CFAP77: variants seen among roughly 807,000 people sequenced by gnomAD.
CFAP77 encodes the protein cilia and flagella associated protein 77.
A neutral mutation model predicts 31.1 loss-of-function variants in CFAP77; 25 were observed. The observed-to-expected ratio is 0.80, with a 90% CI of 0.59 to 1.12. The LOEUF is 1.12. Among genes scored for constraint, CFAP77 ranks in the 50% most tolerant of loss-of-function variants. CFAP77 has a pLI of 0.00. For synonymous variants in CFAP77, 151 were observed against 159.9 expected, an observed-to-expected ratio of 0.94 and a Z score of 0.42; for missense variants, 377 against 397.3, an observed-to-expected ratio of 0.95 and a Z score of 0.44.
intron 3 of CFAP77, among the ~76,000 whole-genome samples, chr9:132,535,342 C>T (rs59197219): frequency 0.032 from 4,901 of 152,250 alleles, 261 homozygotes; most frequent in African/African-American, 0.11. Flanking sequence ...AACAAGGACA[C>T]AGCTTCAGAT....
At chr9:132,468,810 C>T (rs1003211737) in intron 1 of CFAP77, among the ~76,000 whole-genome samples, 7 of 131,238 alleles carry the variant, frequency 5.3e-5, no homozygotes, top group Admixed American at 7.5e-5. Context: ...CACACACACA[C>T]GCACGCACAC....
intron 1 of CFAP77, among the ~76,000 whole-genome samples, chr9:132,467,721 A>G (rs1373529935): frequency 6.6e-6 from 1 of 152,132 alleles, no homozygotes; most frequent in Non-Finnish European, 1.5e-5. Flanking sequence ...CAAAAGTGGA[A>G]TGGTAGAATC....
intron 1 of CFAP77, among the ~76,000 whole-genome samples, chr9:132,477,520 G>A (rs1172735588): frequency 6.6e-6 from 1 of 152,234 alleles, no homozygotes; most frequent in African/African-American, 2.4e-5. Flanking sequence ...TTCCCAGTGG[G>A]AGGTCGGGTC....
chr9:132,494,780 C>T lies in CFAP77; in HGVS notation c.196-3915C>T, dbSNP rs370052439. Among the ~76,000 whole-genome samples the T allele has an allele frequency of 2.0e-4, 30 of 152,346 alleles. No individual in the cohort carries two copies. In the South Asian group the frequency reaches 4.8e-3, roughly 24 times the overall value. ...TCTTTGCATTTCCCAGAGGTTGACA[C>T]CTTGACATATGTATGGCTCTTGGCC... On this transcript the variant is annotated intron_variant, in intron 1 of 5. Transcript: ENST00000393216.
chr9:132,477,916 T>G (rs779298600), intron 1 of CFAP77, among the ~76,000 whole-genome samples: 1 of 152,204 alleles, frequency 6.6e-6, no homozygotes, highest in Non-Finnish European at 1.5e-5. Flanking sequence ...CACAGCTGCC[T>G]GCTCTCTCAG....
chr9:132,432,548 T>C (rs954499665), intron 1 of CFAP77, among the ~76,000 whole-genome samples: 1 of 151,908 alleles, frequency 6.6e-6, no homozygotes, highest in Non-Finnish European at 1.5e-5. Context: ...TTTTTTTTTT[T>C]TTAAGATGGA....
rs758633940 is a variant in CFAP77 at position 132,545,425 on chromosome 9, G to C, written c.732+2378G>C. ...CCCAAGCCGAGACACATGACCTATC[G>C]GGCCATAAAACTCATGAGAAAGAAA... is the stretch of plus-strand genomic sequence containing the variant. On this transcript the variant is annotated intron_variant, in intron 5 of 5. Transcript: ENST00000393216. The surrounding 1 kb of genome is among the most constrained non-coding windows in gnomAD (Gnocchi z 4.6). 6.6e-6 allele frequency among the ~76,000 whole-genome samples: 1 copy of C among 152,010 alleles called. No individual in the cohort carries two copies. The highest frequency in any genetic ancestry group is 2.4e-5 in the African/African-American group (1 of 41,358).
chr9:132,509,089 C>T (rs1851987036), intron 3 of CFAP77, among the ~76,000 whole-genome samples: 2 of 152,236 alleles, frequency 1.3e-5, no homozygotes, highest in Admixed American at 6.5e-5. Context: ...GAACGGCCAA[C>T]GCTGATGAGC....
At chr9:132,453,322 C>T (rs1217206206) in intron 1 of CFAP77, among the ~76,000 whole-genome samples, 4 of 148,946 alleles carry the variant, frequency 2.7e-5, no homozygotes, top group Non-Finnish European at 4.4e-5. Context: ...CTCCGGAGTT[C>T]GAGACCAGCC....
intron 1 of CFAP77, among the ~76,000 whole-genome samples, chr9:132,460,176 C>T (rs760527643): frequency 1.3e-5 from 2 of 152,172 alleles, no homozygotes; most frequent in Non-Finnish European, 2.9e-5. Flanking sequence ...GTTGCTCTCT[C>T]TGCCTTTGCT....
At chr9:132,509,003 C>T (rs1851984866) in intron 3 of CFAP77, among the ~76,000 whole-genome samples, 1 of 152,172 alleles carries the variant, frequency 6.6e-6, no homozygotes. Flanking sequence ...GCTCCGTTCA[C>T]GTTGGTGCCA....
chr9:132,410,573 C>A, intron 1 of CFAP77, 107 bp downstream of exon 1: 2 of 999,436 alleles, frequency 2.0e-6, no homozygotes, highest in Non-Finnish European at 2.8e-6. Flanking sequence ...GGGGTCCGAG[C>A]GCAGCGTGGG....
intron 5 of CFAP77, among the ~76,000 whole-genome samples, chr9:132,548,286 G>GGGGGGGGGGGGGGGGCC (rs1564248910): frequency 7.8e-6 from 1 of 128,890 alleles, no homozygotes. Flanking sequence ...GGGGGGTGGG[G>GGGGGGGGGGGGGGGGCC]GGTGAAGCTG....
At chr9:132,510,620 G>A (rs113338082) in intron 3 of CFAP77, among the ~76,000 whole-genome samples, 71 of 152,278 alleles carry the variant, frequency 4.7e-4, no homozygotes, top group African/African-American at 1.4e-3. Flanking sequence ...GCAGAGGAGC[G>A]GTGAGCCCAG....
At chr9:132,547,658 C>T (rs1057260233) in intron 5 of CFAP77, among the ~76,000 whole-genome samples, 11 of 152,312 alleles carry the variant, frequency 7.2e-5, no homozygotes, top group Non-Finnish European at 1.3e-4. Flanking sequence ...GCTCCTGGGC[C>T]GGGAAGTCTG....
chr9:132,571,927 G>T (rs1048364533), intron 5 of CFAP77, among the ~76,000 whole-genome samples: 1 of 150,134 alleles, frequency 6.7e-6, no homozygotes, highest in African/African-American at 2.5e-5. Context: ...TCTGGTTCTG[G>T]TGATATTGAA....
In CFAP77 at chr9:132,513,256, T is replaced by G. The variant is rs1425295641; in HGVS notation, c.524+13656T>G. On this transcript the variant is annotated intron_variant, in intron 3 of 5. Coordinates refer to ENST00000393216, the MANE Select transcript of CFAP77 (RefSeq NM_001282957.2). Reference sequence around the variant, plus strand: ...AACCAATCCTTTCTTTTGTGTTTATTAGAAAACTTTCCAAACAAATAGAAA... The same window carrying G: ...AACCAATCCTTTCTTTTGTGTTTATGAGAAAACTTTCCAAACAAATAGAAA... The G allele has an allele frequency of 1.9e-6, 3 of 1,547,134 alleles. No individual in the cohort carries two copies. The African/African-American group carries it at 4.1e-5, about 21-fold the overall frequency.
intron 3 of CFAP77, among the ~76,000 whole-genome samples, chr9:132,506,557 A>G (rs1851934273): frequency 6.6e-6 from 1 of 151,790 alleles, no homozygotes; most frequent in African/African-American, 2.4e-5. Context: ...CACAGTCAAG[A>G]CACAGATGCC....
chr9:132,538,756 C>T (rs546318752), intron 4 of CFAP77, among the ~76,000 whole-genome samples: 4 of 152,068 alleles, frequency 2.6e-5, no homozygotes, highest in African/African-American at 7.2e-5. Flanking sequence ...CCAGCCTGGG[C>T]GACAGAGTGA....
Sources: allele counts gnomAD v4.1 joint callset (sites outside exome capture counted in the v4.1 genomes callset), GRCh38; gene constraint gnomAD v4.1.1; non-coding constraint Gnocchi (gnomAD v3.1); transcripts MANE v1.5; gene names NCBI Gene and HGNC (gene_info 2026-07-23, HGNC 2026-07-21).